PCDHGA8: variants seen among roughly 807,000 people sequenced by gnomAD.
PCDHGA8 encodes protocadherin gamma subfamily A, 8.
Under a neutral mutation model 59.2 loss-of-function variants are expected in PCDHGA8, and 45 were observed. That is an observed-to-expected ratio of 0.76 (90% CI 0.60 to 0.98). The LOEUF (loss-of-function observed/expected upper bound fraction) is 0.98, where lower values mean the gene tolerates loss of function less well. PCDHGA8 is among the 50% of genes least tolerant of loss of function. PCDHGA8 has a pLI of 0.00. For missense variants in PCDHGA8, 1,257 were observed against 1,196.2 expected (o/e 1.05, Z -0.75); for synonymous variants, 531 against 519.0 (o/e 1.02, Z -0.32).
intron 1 of PCDHGA8, chr5:141,408,066 G>T: frequency 7.3e-7 from 1 of 1,364,656 alleles, no homozygotes; most frequent in Non-Finnish European, 9.7e-7. Flanking sequence ...CGGCTGCGCA[G>T]ACCTTTCCCA....
Position 141,394,937 on chromosome 5 carries a change from C to T in PCDHGA8, c.2124C>T (p.Val708=), listed in dbSNP as rs1224179687. 4.3e-6 allele frequency: 7 copies of T among 1,613,688 alleles called. No individual in the cohort carries two copies. In the East Asian group the frequency reaches 8.9e-5, roughly 21 times the overall value. ...AAISCVFLAF[V]AVLLGLRLRR... ...TCTCCTGTGTCTTCCTCGCCTTTGT[C>T]GCTGTGCTTCTGGGGCTCAGGCTGA... Residue 708 remains valine (V), a synonymous_variant, in exon 1 of 4, where the codon GTC becomes GTT. Transcript: ENST00000398604.
At chr5:141,398,993 G>A (rs1438560245) in intron 1 of PCDHGA8, 2 of 1,613,944 alleles carry the variant, frequency 1.2e-6, no homozygotes, top group Admixed American at 1.7e-5. Flanking sequence ...CAAATCTTTA[G>A]TCTGAATTCA....
At chr5:141,415,024 G>C in intron 1 of PCDHGA8, 1 of 1,613,568 alleles carries the variant, frequency 6.2e-7, no homozygotes, top group Non-Finnish European at 8.5e-7. Flanking sequence ...CAAGGCCAGC[G>C]AGCCGGGACT....
Position 141,431,003 on chromosome 5 carries a change from G to C in PCDHGA8, c.2424+35766G>C. The C allele has an allele frequency of 6.2e-7, 1 of 1,614,078 alleles. No individual in the cohort carries two copies. The highest frequency in any genetic ancestry group is 8.5e-7 in the Non-Finnish European group (1 of 1,179,974). On this transcript the variant is annotated intron_variant, in intron 1 of 3. Transcript: ENST00000398604. The surrounding 1 kb of genome is among the most constrained non-coding windows in gnomAD (Gnocchi z 4.8). ...GCTTTTCGCCCTGAATCCGCGCAGC[G>C]GCAGCTTGGTCACGGCGGGCAGGAT... is the stretch of plus-strand genomic sequence containing the variant.
intron 3 of PCDHGA8, among the ~76,000 whole-genome samples, chr5:141,510,048 G>GTGAT (rs1392197406): frequency 1.3e-5 from 2 of 152,192 alleles, no homozygotes; most frequent in Non-Finnish European, 2.9e-5. Context: ...GAGGTTAAAA[G>GTGAT]TGATTGTGCA....
At chr5:141,469,992 G>A (rs894673835) in intron 1 of PCDHGA8, among the ~76,000 whole-genome samples, 10 of 152,054 alleles carry the variant, frequency 6.6e-5, no homozygotes, top group South Asian at 2.1e-4. Context: ...TTAGCTGGTC[G>A]TCGTGGCACG....
Position 141,477,068 on chromosome 5 carries a change from C to G in PCDHGA8, c.2425-17739C>G. The G allele has an allele frequency of 6.2e-7, 1 of 1,614,268 alleles. No individual in the cohort carries two copies. Among genetic ancestry groups the G allele is most frequent in the Non-Finnish European group, 8.5e-7 (1 of 1,180,046 alleles). On this transcript the variant is annotated intron_variant, in intron 1 of 3. Coordinates refer to ENST00000398604, the MANE Select transcript of PCDHGA8 (RefSeq NM_032088.2). This position sits in a 1 kb window ranked among gnomAD's most constrained non-coding sequence, Gnocchi z 4.9. ...GCTGGACTTCGAGGACACCAAACTC[C>G]ATGAGATTTACATCCAGGCCAAAGA...
rs372994272 is a variant in PCDHGA8, at chr5:141,485,358, G to C, written c.2425-9449G>C. On this transcript the variant is annotated intron_variant, in intron 1 of 3. Coordinates refer to ENST00000398604, the MANE Select transcript of PCDHGA8 (RefSeq NM_032088.2). This position sits in a 1 kb window ranked among gnomAD's most constrained non-coding sequence, Gnocchi z 5.7. ...CTGGATACGGACAGTCTGTCAGCTC[G>C]CAGGCTGCAGGTCGCTGGAGAGGTG... is the stretch of plus-strand genomic sequence containing the variant. 3.1e-6 allele frequency: 5 copies of C among 1,613,982 alleles called. No homozygotes were observed. Among genetic ancestry groups the C allele is most frequent in the Non-Finnish European group, 4.2e-6 (5 of 1,180,014 alleles).
rs112156044 is a variant in PCDHGA8, at chr5:141,476,771, G to C, written c.2425-18036G>C. ...CCAGTTAGTGCTGACGGCGTTGGAC[G>C]GAGGGACCCCAGCTCTCTCCGCCAG... On this transcript the variant is annotated intron_variant, in intron 1 of 3. Coordinates refer to ENST00000398604, the MANE Select transcript of PCDHGA8 (RefSeq NM_032088.2). The surrounding 1 kb of genome is among the most constrained non-coding windows in gnomAD (Gnocchi z 7.6). 1.1e-5 allele frequency: 18 copies of C among 1,613,700 alleles called. 1 individual carries two copies. In the South Asian group the frequency reaches 1.3e-4, roughly 12 times the overall value.
intron 2 of PCDHGA8, among the ~76,000 whole-genome samples, chr5:141,501,290 T>TAC (rs55762287): frequency 0.12 from 16,682 of 135,960 alleles, 995 homozygotes; most frequent in African/African-American, 0.18. Flanking sequence ...TATTCCCTTA[T>TAC]ACACACACAC....
At chr5:141,430,078 T>A (rs911861599) in intron 1 of PCDHGA8, among the ~76,000 whole-genome samples, 2 of 152,282 alleles carry the variant, frequency 1.3e-5, no homozygotes, top group Admixed American at 1.3e-4. Context: ...TTCCATAATA[T>A]CATGAAAATT....
intron 1 of PCDHGA8, among the ~76,000 whole-genome samples, chr5:141,474,586 A>G (rs149003643): frequency 6.6e-6 from 1 of 152,222 alleles, no homozygotes; most frequent in Non-Finnish European, 1.5e-5. Flanking sequence ...AGTGTTAAAG[A>G]CATGGAAATA....
chr5:141,403,237 C>T (rs1293614874), intron 1 of PCDHGA8: 1 of 1,613,824 alleles, frequency 6.2e-7, no homozygotes, highest in Non-Finnish European at 8.5e-7. Flanking sequence ...GGGAGGAGCT[C>T]TGTGCTCAGA....
chr5:141,414,866 C>G (rs1413236073), intron 1 of PCDHGA8: 1 of 1,614,230 alleles, frequency 6.2e-7, no homozygotes, highest in Non-Finnish European at 8.5e-7. Flanking sequence ...GACAATGCGC[C>G]CGAGATCCTG....
chr5:141,393,952 G>C lies in PCDHGA8; in HGVS notation c.1139G>C (p.Gly380Ala). 2.5e-6 allele frequency: 4 copies of C among 1,613,916 alleles called. No individual in the cohort carries two copies. Among genetic ancestry groups the C allele is most frequent in the Non-Finnish European group, 3.4e-6 (4 of 1,179,876 alleles). ...SVHDQDSGKN[G>A]QVVCYTRDNL... ...CATGACCAAGACTCTGGAAAGAATG[G>C]TCAAGTTGTCTGTTACACACGTGAT... The change falls in exon 1 of 4, where the codon GGT becomes GCT. Residue 380 changes from glycine (G) to alanine (A), a missense_variant. Physicochemically the swap from Gly to Ala is moderately conservative, Grantham distance 60 (BLOSUM62 0). Transcript: ENST00000398604.
rs377701820 is a variant in PCDHGA8 at position 141,422,031 on chromosome 5, G to A, written c.2424+26794G>A. On this transcript the variant is annotated intron_variant, in intron 1 of 3. Coordinates refer to ENST00000398604, the MANE Select transcript of PCDHGA8 (RefSeq NM_032088.2). ...CTCGGGTGCTGATGGTTAATGCAAC[G>A]GATCCAGACGAGGGAATCAACGGGG... 127 of 1,610,494 alleles carry A rather than the reference G, an allele frequency of 7.9e-5. No individual in the cohort carries two copies. In the East Asian group the frequency reaches 2.4e-3, roughly 31 times the overall value.
At chr5:141,494,758 T>A (rs370692038) in intron 1 of PCDHGA8, 49 bp from the exon 2 acceptor site, 2 of 1,613,800 alleles carry the variant, frequency 1.2e-6, no homozygotes, top group Admixed American at 3.3e-5. Context: ...CGGGTGACAT[T>A]CTAACTTCTC....
chr5:141,464,907 T>A lies in PCDHGA8; in HGVS notation c.2425-29900T>A, dbSNP rs187725683. On this transcript the variant is annotated intron_variant, in intron 1 of 3. Transcript: ENST00000398604. ...ATGGATGCCACCATGTCCAGCTAAT[T>A]TTTTTATTTTTTTGTAGAGATGTGA... 4.5e-3 allele frequency among the ~76,000 whole-genome samples: 687 copies of A among 152,148 alleles called. 4 individuals are homozygous for A. Among genetic ancestry groups the A allele is most frequent in the African/African-American group, 0.015 (630 of 41,510 alleles).
intron 1 of PCDHGA8, among the ~76,000 whole-genome samples, chr5:141,465,040 C>T (rs1396261200): frequency 6.6e-6 from 1 of 151,842 alleles, no homozygotes; most frequent in Non-Finnish European, 1.5e-5. Context: ...CCACAAATGA[C>T]CCTATATATT....
Sources: allele counts gnomAD v4.1 joint callset (sites outside exome capture counted in the v4.1 genomes callset), GRCh38; gene constraint gnomAD v4.1.1; non-coding constraint Gnocchi (gnomAD v3.1); transcripts MANE v1.5; gene names NCBI Gene and HGNC (gene_info 2026-07-23, HGNC 2026-07-21).